Variants in DCAF13 observed in about 807,000 individuals in gnomAD.
The protein encoded by DCAF13 is DDB1- and CUL4-associated factor 13.
Under a neutral mutation model 59.0 loss-of-function variants are expected in DCAF13, and 38 were observed. The observed-to-expected ratio is 0.64, with a 90% CI of 0.50 to 0.84. The LOEUF (loss-of-function observed/expected upper bound fraction) is 0.84. Among genes scored for constraint, DCAF13 ranks in the 40% least tolerant of loss-of-function variants. The probability of loss-of-function intolerance (pLI) is 0.00; values close to 1 mark genes in which losing one functional copy is unlikely to be tolerated. For synonymous variants in DCAF13, 173 were observed against 175.0 expected, an observed-to-expected ratio of 0.99 and a Z score of 0.09; for missense variants, 469 against 558.4, an observed-to-expected ratio of 0.84 and a Z score of 1.61.
At chr8:103,427,436 T>G (rs938826815) in intron 5 of DCAF13, 184 bp downstream of exon 5, 44 of 612,756 alleles carry the variant, frequency 7.2e-5, no homozygotes, top group Non-Finnish European at 1.2e-4. Flanking sequence ...TTCCCAGCAG[T>G]TTAGTCCCAG....
chr8:103,432,007 A>T (rs978376901), intron 6 of DCAF13, among the ~76,000 whole-genome samples: 1 of 152,146 alleles, frequency 6.6e-6, no homozygotes, highest in African/African-American at 2.4e-5. Flanking sequence ...TGATAGATGT[A>T]GGGATTGTTA....
At chr8:103,415,782 G>A (rs567172960) in intron 1 of DCAF13, among the ~76,000 whole-genome samples, 2 of 152,226 alleles carry the variant, frequency 1.3e-5, no homozygotes, top group African/African-American at 4.8e-5. Flanking sequence ...TCCAGCTGCT[G>A]CTCTGGGATT....
intron 9 of DCAF13, chr8:103,441,123 C>G: frequency 5.1e-6 from 1 of 194,696 alleles, no homozygotes; most frequent in Non-Finnish European, 1.0e-5. Flanking sequence ...TTACCCACCC[C>G]CAAAATTTGA....
chr8:103,426,972 A>G (rs1586129559), intron 4 of DCAF13, 125 bp from the exon 5 acceptor site: 2 of 693,864 alleles, frequency 2.9e-6, no homozygotes, highest in Non-Finnish European at 4.4e-6. Context: ...AAGGACTTCA[A>G]AGAAGTTTCT....
In DCAF13 at chr8:103,433,385, T is replaced by C. The variant is rs924185893; in HGVS notation, c.785+644T>C. On this transcript the variant is annotated intron_variant, in intron 7 of 10. Transcript: ENST00000612750. ...CATGCATGTTATCCCCTTTTTAAGA[T>C]ATTAAAGCGGGGAGATTAGTCTCCC... is the stretch of plus-strand genomic sequence containing the variant. Among the ~76,000 whole-genome samples the C allele has an allele frequency of 1.2e-4, 18 of 152,130 alleles. 1 individual carries two copies. Among genetic ancestry groups the C allele is most frequent in the Admixed American group, 6.5e-5 (1 of 15,268 alleles).
chr8:103,431,725 A>G (rs767063339), intron 6 of DCAF13, among the ~76,000 whole-genome samples: 1 of 152,170 alleles, frequency 6.6e-6, no homozygotes, highest in Admixed American at 6.5e-5. Flanking sequence ...GAATGCTGAC[A>G]TGAGGTACTA....
intron 6 of DCAF13, among the ~76,000 whole-genome samples, chr8:103,432,252 C>G (rs369863697): frequency 2.0e-5 from 3 of 152,136 alleles, no homozygotes; most frequent in East Asian, 3.8e-4. Flanking sequence ...AACAGTGTTC[C>G]CATTGAGAAA....
chr8:103,427,382 G>A (rs1031506433), intron 5 of DCAF13, 130 bp downstream of exon 5: 3 of 779,758 alleles, frequency 3.8e-6, no homozygotes, highest in African/African-American at 1.8e-5. Context: ...CAGTTTTCCC[G>A]ATTGTAAATG....
At chr8:103,418,854 A>ATATT (rs1554630647) in intron 1 of DCAF13, among the ~76,000 whole-genome samples, 1 of 24,396 alleles carries the variant, frequency 4.1e-5, no homozygotes, top group East Asian at 1.2e-3. Flanking sequence ...ATATATATAT[A>ATATT]TATATATATA....
rs563967216 is a variant in DCAF13 at position 103,443,406 on chromosome 8, A to G, written c.*524A>G. On this transcript the variant is annotated 3_prime_UTR_variant, in exon 11 of 11. Coordinates refer to ENST00000612750, the MANE Select transcript of DCAF13 (RefSeq NM_015420.7). ...TTATATAACTTTTATAAATAATAAT[A>G]TAATTTGGGTCAAGTTAAGATATTA... The G allele has an allele frequency of 6.6e-6, 1 of 152,048 alleles. No homozygotes were observed. The highest frequency in any genetic ancestry group is 1.5e-5 in the Non-Finnish European group (1 of 67,964). 9.4% of individuals were successfully genotyped at this position (152,048 alleles called of 1,614,324 possible). A position where few individuals can be genotyped will look rare whatever the true frequency, so the allele number is the denominator to read the frequency against.
chr8:103,419,466 G>C (rs894462884), intron 1 of DCAF13, among the ~76,000 whole-genome samples: 3 of 152,148 alleles, frequency 2.0e-5, no homozygotes, highest in African/African-American at 7.2e-5. Flanking sequence ...AACAAACATA[G>C]AAAGTGCTCA....
intron 10 of DCAF13, 78 bp from the exon 11 acceptor site, chr8:103,442,717 T>G: frequency 1.1e-6 from 1 of 952,028 alleles, no homozygotes; most frequent in Non-Finnish European, 1.5e-6. Flanking sequence ...TGAAAGAAAA[T>G]GCTTTGATTT....
chr8:103,420,758 G>T (rs1816711428), intron 2 of DCAF13: 6 of 582,476 alleles, frequency 1.0e-5, no homozygotes, highest in Middle Eastern at 4.5e-4. Context: ...TATGGCAAGT[G>T]AAAAAGTTTT....
rs538626413 is a variant in DCAF13 at position 103,422,913 on chromosome 8, A to G, written c.378+1831A>G. Among the ~76,000 whole-genome samples, 14 of 152,364 alleles carry G rather than the reference A, an allele frequency of 9.2e-5. No individual in the cohort carries two copies. In the South Asian group the frequency reaches 2.9e-3, roughly 32 times the overall value. ...GATAGCTACAATTTGAAAGATTGTC[A>G]TGTGAAAAAGAAAATAGACTAATTT... On this transcript the variant is annotated intron_variant, in intron 3 of 10. Transcript: ENST00000612750.
intron 5 of DCAF13, chr8:103,430,044 A>G (rs1298410235): frequency 6.6e-6 from 1 of 152,226 alleles, no homozygotes; most frequent in African/African-American, 2.4e-5. Context: ...AGAGTAGGTA[A>G]GTAAAATATG....
intron 1 of DCAF13, 65 bp downstream of exon 1, chr8:103,415,581 C>G: frequency 2.0e-6 from 3 of 1,490,696 alleles, no homozygotes; most frequent in South Asian, 2.6e-5. Context: ...CCTCGGCTTT[C>G]GCGGAGTAAA....
chr8:103,418,824 TTATATATATATATATATA>T (rs1188672878), intron 1 of DCAF13, among the ~76,000 whole-genome samples: 1,354 of 41,368 alleles, frequency 0.033, 61 homozygotes, highest in African/African-American at 0.091. Flanking sequence ...CTAAGCATAA[TTATATATATATATATATA>T]TATATATATA....
At chr8:103,440,069 A>G in intron 8 of DCAF13, 67 bp from the exon 9 acceptor site, 1 of 1,253,258 alleles carries the variant, frequency 8.0e-7, no homozygotes, top group South Asian at 1.7e-5. Context: ...CTGATACTTA[A>G]TAGGCAGTGG....
At chr8:103,435,581 A>T in intron 7 of DCAF13, 45 bp from the exon 8 acceptor site, 1 of 1,450,670 alleles carries the variant, frequency 6.9e-7, no homozygotes, top group Non-Finnish European at 9.2e-7. Flanking sequence ...TGCATATGGC[A>T]TCTTTCTAGA....
Sources: allele counts gnomAD v4.1 joint callset (sites outside exome capture counted in the v4.1 genomes callset), GRCh38; gene constraint gnomAD v4.1.1; transcripts MANE v1.5; gene names NCBI Gene and HGNC (gene_info 2026-07-23, HGNC 2026-07-21).